Variants in MYOF observed in about 807,000 individuals in gnomAD.
MYOF encodes the protein myoferlin.
A neutral mutation model predicts 284.2 loss-of-function variants in MYOF; 244 were observed. The ratio of observed to expected loss-of-function variants is 0.86; its 90% CI spans 0.77 to 0.95. MYOF has a LOEUF of 0.95. Among genes scored for constraint, MYOF ranks in the 40% least tolerant of loss-of-function variants. MYOF has a pLI of 0.00. For synonymous variants in MYOF, 904 were observed against 919.7 expected (o/e 0.98, Z 0.31); for missense variants, 2,496 against 2,560.6 (o/e 0.97, Z 0.54).
intron 1 of MYOF, among the ~76,000 whole-genome samples, chr10:93,469,323 C>G (rs2057084518): frequency 6.6e-6 from 1 of 151,986 alleles, no homozygotes; most frequent in African/African-American, 2.4e-5. Context: ...ATTACTTGAG[C>G]CTGGGAGGCA....
At chr10:93,407,308 C>T (rs1043841289) in intron 7 of MYOF, among the ~76,000 whole-genome samples, 1 of 151,076 alleles carries the variant, frequency 6.6e-6, no homozygotes, top group Non-Finnish European at 1.5e-5. Flanking sequence ...TGCCTGTAGT[C>T]CCAGCTACTT....
chr10:93,366,985 G>A (rs1222022316), intron 25 of MYOF, among the ~76,000 whole-genome samples: 2 of 152,138 alleles, frequency 1.3e-5, no homozygotes, highest in East Asian at 3.8e-4. Flanking sequence ...TTATTTGTAA[G>A]TCTACTGCTG....
chr10:93,436,698 T>C (rs1849140013), intron 3 of MYOF, among the ~76,000 whole-genome samples: 1 of 152,176 alleles, frequency 6.6e-6, no homozygotes, highest in South Asian at 2.1e-4. Flanking sequence ...TTCTGTGACG[T>C]TGCCTGGATA....
intron 16 of MYOF, among the ~76,000 whole-genome samples, chr10:93,394,393 C>T (rs768236659): frequency 8.2e-5 from 12 of 146,824 alleles, no homozygotes; most frequent in East Asian, 2.1e-4. Flanking sequence ...TGAGCCACTG[C>T]GCCCAGCCAT....
chr10:93,452,561 G>C (rs372595972), intron 2 of MYOF, among the ~76,000 whole-genome samples: 7 of 118,270 alleles, frequency 5.9e-5, no homozygotes, highest in African/African-American at 2.2e-4. Flanking sequence ...GTTGTGGGGT[G>C]GGGGGAGGGG....
rs1842391832 is a variant in MYOF at position 93,311,542 on chromosome 10, TCGCACCACTG to T, written c.5890-909_5890-900del. 6.8e-5 allele frequency among the ~76,000 whole-genome samples: 10 copies of T among 147,352 alleles called. No individual in the cohort carries two copies. In the South Asian group the frequency reaches 2.1e-3, roughly 31 times the overall value. Reference sequence around the variant, plus strand: ...AGGCAGAGGTTGCAGTAAGCAGAGATCGCACCACTGCACTCCAGCCTGGGTGACAGAGTGA... The same window carrying T: ...AGGCAGAGGTTGCAGTAAGCAGAGATCACTCCAGCCTGGGTGACAGAGTGA... On this transcript the variant is annotated intron_variant, in intron 51 of 53. Coordinates refer to ENST00000359263, the MANE Select transcript of MYOF (RefSeq NM_013451.4).
intron 36 of MYOF, 70 bp from the exon 37 acceptor site, chr10:93,347,852 A>G: frequency 6.8e-7 from 1 of 1,478,406 alleles, no homozygotes; most frequent in East Asian, 2.3e-5. Context: ...AATTCCCCAG[A>G]TGGACCAGTC....
intron 39 of MYOF, 145 bp from the exon 40 acceptor site, chr10:93,338,058 C>T (rs562400917): frequency 3.1e-5 from 20 of 652,116 alleles, no homozygotes; most frequent in Non-Finnish European, 2.4e-5. Flanking sequence ...TTTACATGCA[C>T]AATGGACAAA....
In MYOF at chr10:93,335,940, G is replaced by A; in HGVS notation, c.4544C>T (p.Ser1515Phe). ...ACTCACCTTAAACTCTCCAACCACA[G>A]AAGGATCTTCATTTTCATCCGACTT... ...RGKSDENEDP[S>F]VVGEFKGSFR... The change falls in exon 41 of 54, where the codon TCT becomes TTT. Residue 1515 changes from serine (S) to phenylalanine (F), a missense_variant. Transcript: ENST00000359263. 1 of 1,614,196 alleles carries A rather than the reference G, an allele frequency of 6.2e-7. No individual in the cohort carries two copies. Among genetic ancestry groups the A allele is most frequent in the South Asian group, 1.1e-5 (1 of 91,080 alleles).
intron 5 of MYOF, among the ~76,000 whole-genome samples, chr10:93,413,958 A>G (rs1316170989): frequency 6.6e-6 from 1 of 152,082 alleles, no homozygotes; most frequent in Non-Finnish European, 1.5e-5. Flanking sequence ...ATGCCCTTGC[A>G]CTCTGTCCTG....
intron 5 of MYOF, among the ~76,000 whole-genome samples, chr10:93,410,890 G>C (rs1455702856): frequency 6.6e-6 from 1 of 152,204 alleles, no homozygotes; most frequent in Admixed American, 6.5e-5. Context: ...ATGTAGCATA[G>C]CTCTTGAAAT....
chr10:93,361,656 C>T, intron 27 of MYOF, 99 bp from the exon 28 acceptor site: 1 of 1,019,908 alleles, frequency 9.8e-7, no homozygotes, highest in Non-Finnish European at 1.5e-6. Context: ...ATGGCATTCA[C>T]ACCTTTACTT....
Position 93,377,402 on chromosome 10 carries a change from C to A in MYOF, c.2029G>T (p.Gly677Trp). 6.2e-7 allele frequency: 1 copy of A among 1,613,812 alleles called. No individual in the cohort carries two copies. The highest frequency in any genetic ancestry group is 8.5e-7 in the Non-Finnish European group (1 of 1,179,816). ...LQTNIEALKS[G>W]IQGKIPANQL... The stretch of plus-strand genomic sequence containing the variant: ...TTTGCAGGAATTTTACCTTGTATCC[C>A]TGATTTTAGAGCTTCTATATTTGTT... The change falls in exon 22 of 54, where the codon GGG (glycine) becomes TGG (tryptophan). Residue 677 changes from glycine to tryptophan, a missense_variant. This residue lies in a region of MYOF where 2,436 missense variants were observed against 2,480.7 expected (regional missense o/e 0.98). Coordinates refer to ENST00000359263, the MANE Select transcript of MYOF (RefSeq NM_013451.4).
intron 3 of MYOF, among the ~76,000 whole-genome samples, chr10:93,449,371 G>T (rs951874470): frequency 6.6e-6 from 1 of 152,162 alleles, no homozygotes; most frequent in Non-Finnish European, 1.5e-5. Context: ...TGTTGGAGAG[G>T]CCTGGTCTAG....
intron 36 of MYOF, among the ~76,000 whole-genome samples, chr10:93,349,469 A>C (rs571084626): frequency 2.7e-4 from 41 of 152,330 alleles, no homozygotes; most frequent in African/African-American, 9.1e-4. Flanking sequence ...TGTAGGGGGT[A>C]TATCTGGTCC....
In MYOF at chr10:93,369,731, G is replaced by A. The variant is rs759204281; in HGVS notation, c.2503C>T (p.Arg835Ter). The A allele has an allele frequency of 8.7e-6, 14 of 1,614,018 alleles. No homozygotes were observed. The highest frequency in any genetic ancestry group is 2.7e-5 in the African/African-American group (2 of 74,896). ...CTTAAGCCTAGCCAGATGTTCACTC[G>A]CAACTCCACAGGCACCTTTGGCCCG... ...NNGPKVPVEL[R>*]VNIWLGLSAV... Residue 835 changes from arginine to a stop codon, truncating the protein, a stop_gained, in exon 25 of 54, where the codon CGA becomes TGA. Coordinates refer to ENST00000359263, the MANE Select transcript of MYOF (RefSeq NM_013451.4). LOFTEE classifies it high-confidence loss of function.
At chr10:93,320,198 G>A (rs1842793949) in intron 48 of MYOF, among the ~76,000 whole-genome samples, 185 bp from the exon 49 acceptor site, 1 of 152,176 alleles carries the variant, frequency 6.6e-6, no homozygotes, top group Non-Finnish European at 1.5e-5. Flanking sequence ...TCCAACACAG[G>A]TTGTGGCCAA....
chr10:93,437,220 A>T (rs1849165110), intron 3 of MYOF, among the ~76,000 whole-genome samples: 1 of 152,164 alleles, frequency 6.6e-6, no homozygotes. Flanking sequence ...AAACCAGTCA[A>T]CTTAGTCTTG....
In MYOF at chr10:93,437,939, C is replaced by G. The variant is rs559484975; in HGVS notation, c.237-6423G>C. On this transcript the variant is annotated intron_variant, in intron 3 of 53. Coordinates refer to ENST00000359263, the MANE Select transcript of MYOF (RefSeq NM_013451.4). ...CAGCTGACAAAGAGTCTTTGCTTGG[C>G]CAAACTTGAGTGGAGCTCCTGAGCC... 7.2e-5 allele frequency among the ~76,000 whole-genome samples: 11 copies of G among 152,294 alleles called. No homozygotes were observed. In the East Asian group the frequency reaches 2.1e-3, roughly 29 times the overall value.
Sources: gnomAD v4.1 joint callset for allele counts (sites outside exome capture counted in the v4.1 genomes callset) on GRCh38, gnomAD v4.1.1 for gene constraint, gnomAD v4.1.1 regional missense constraint, MANE v1.5 for transcripts, NCBI Gene and HGNC (gene_info 2026-07-23, HGNC 2026-07-21) for gene names.